Variants in GSR observed in about 807,000 individuals in gnomAD.
The protein encoded by GSR is glutathione-disulfide reductase.
GSR carries 48 observed loss-of-function variants against 56.5 expected under a neutral mutation model. The observed-to-expected ratio is 0.85, with a 90% confidence interval of 0.67 to 1.08. The LOEUF is 1.08. GSR is among the 50% of genes least tolerant of loss of function. GSR has a pLI of 0.00. For missense variants in GSR, 694 were observed against 703.3 expected (o/e 0.99, Z 0.15); for synonymous variants, 264 against 270.8 (o/e 0.97, Z 0.25).
chr8:30,714,533 C>A (rs947877798), intron 1 of GSR, among the ~76,000 whole-genome samples: 5 of 151,292 alleles, frequency 3.3e-5, no homozygotes, highest in Admixed American at 2.0e-4. Flanking sequence ...AAATATTTTT[C>A]TAAAAATATA....
rs1414576449 is a variant in GSR, at chr8:30,703,156, C to T, written c.577G>A (p.Ala193Thr). ...TIEVSGKKYT[A>T]PHILIATGGM... ...CCTGTGGCGATCAGGATGTGTGGGG[C>T]GGTGTACTTTTTCCCACTGACCTCT... The change falls in exon 5 of 13, where the codon GCC (alanine) becomes ACC (threonine). Residue 193 changes from alanine (A) to threonine (T), a missense_variant. Coordinates refer to ENST00000221130, the MANE Select transcript of GSR (RefSeq NM_000637.5). The T allele has an allele frequency of 3.7e-5, 59 of 1,613,878 alleles. No homozygotes were observed. Among genetic ancestry groups the T allele is most frequent in the Non-Finnish European group, 4.5e-5 (53 of 1,179,950 alleles).
At chr8:30,722,040 G>A (rs1305779598) in intron 1 of GSR, among the ~76,000 whole-genome samples, 1 of 151,994 alleles carries the variant, frequency 6.6e-6, no homozygotes, top group African/African-American at 2.4e-5. Flanking sequence ...ATTCTCTGTG[G>A]TTACTTTTCA....
At chr8:30,682,902 G>A (rs1403456568) in intron 10 of GSR, among the ~76,000 whole-genome samples, 3 of 151,402 alleles carry the variant, frequency 2.0e-5, no homozygotes, top group African/African-American at 7.3e-5. Flanking sequence ...ATCTCAGCTC[G>A]CTGCAACCTC....
Position 30,727,552 on chromosome 8 carries a change from C to T in GSR, c.284G>A (p.Ser95Asn). Residue 95 changes from serine (S) to asparagine (N), a missense_variant, in exon 1 of 13, where the codon AGC (serine) becomes AAC (asparagine). Ser to Asn is a conservative substitution (Grantham distance 46). Coordinates refer to ENST00000221130, the MANE Select transcript of GSR (RefSeq NM_000637.5). ...ELGARAAVVESHKLGGTCVNV... is the reference protein window; with the variant it reads ...ELGARAAVVENHKLGGTCVNV... Reference sequence around the variant, plus strand: ...CACGCAAGTGCCACCCAGCTTGTGGCTCTCCACCACGGCGGCCCTGGCACC... The same window carrying T: ...CACGCAAGTGCCACCCAGCTTGTGGTTCTCCACCACGGCGGCCCTGGCACC... 6.5e-7 allele frequency: 1 copy of T among 1,536,836 alleles called. No homozygotes were observed. The highest frequency in any genetic ancestry group is 8.7e-7 in the Non-Finnish European group (1 of 1,145,152).
intron 8 of GSR, among the ~76,000 whole-genome samples, chr8:30,690,098 TAAA>T (rs531676508): frequency 0.02 from 2,879 of 144,202 alleles, 86 homozygotes; most frequent in African/African-American, 0.069. Flanking sequence ...AATATATAAA[TAAA>T]ATATACATAT....
At chr8:30,698,288 A>C (rs1373320131) in intron 6 of GSR, among the ~76,000 whole-genome samples, 1 of 152,184 alleles carries the variant, frequency 6.6e-6, no homozygotes, top group African/African-American at 2.4e-5. Context: ...CATAAATGTA[A>C]ATATTTAAAA....
At chr8:30,686,646 G>A (rs1205927371) in intron 9 of GSR, among the ~76,000 whole-genome samples, 89 of 152,242 alleles carry the variant, frequency 5.8e-4, no homozygotes, top group Admixed American at 5.8e-3. Context: ...AGTGAGCCAT[G>A]ATGGCACCAC....
At chr8:30,693,076 G>C (rs762168948) in intron 7 of GSR, 21 bp from the exon 8 acceptor site, 2 of 1,466,356 alleles carry the variant, frequency 1.4e-6, no homozygotes, top group South Asian at 2.3e-5. Context: ...ACATAGGGAT[G>C]GGTAATGCGA....
intron 8 of GSR, 74 bp downstream of exon 8, chr8:30,692,895 C>G (rs1235601407): frequency 4.4e-6 from 4 of 907,454 alleles, no homozygotes; most frequent in Non-Finnish European, 7.3e-6. Context: ...TGTTTTTAAA[C>G]TAACTGGGCG....
Position 30,679,149 on chromosome 8 carries a change from CAAAA to C in GSR, c.*367_*370del, listed in dbSNP as rs35555269. 1.8e-3 allele frequency: 200 copies of C among 108,646 alleles called. No homozygotes were observed. Among genetic ancestry groups the C allele is most frequent in the South Asian group, 5.6e-3 (44 of 7,808 alleles). The allele number at this position is 108,646 out of a possible 1,614,324, so 6.7% of individuals were successfully genotyped here. ...GGGCAATGAGAGCAAAACTCTGTCT[CAAAA>C]AAAAAAAAAAAAAAAGTAGCAAGTT... is the stretch of plus-strand genomic sequence containing the variant. On this transcript the variant is annotated 3_prime_UTR_variant, in exon 13 of 13. Transcript: ENST00000221130.
intron 7 of GSR, among the ~76,000 whole-genome samples, chr8:30,695,398 T>A (rs1471339790): frequency 6.6e-6 from 1 of 151,958 alleles, no homozygotes; most frequent in African/African-American, 2.4e-5. Flanking sequence ...CATGCCTGGA[T>A]AATTTTTGGA....
intron 4 of GSR, among the ~76,000 whole-genome samples, chr8:30,704,261 G>A (rs1298432329): frequency 6.6e-6 from 1 of 152,060 alleles, no homozygotes; most frequent in African/African-American, 2.4e-5. Context: ...GGAGGCAGAG[G>A]TTGCAGTGAG....
chr8:30,704,269 G>A (rs186646147), intron 4 of GSR, among the ~76,000 whole-genome samples: 72 of 152,192 alleles, frequency 4.7e-4, no homozygotes, highest in African/African-American at 1.6e-3. Flanking sequence ...AGGTTGCAGT[G>A]AGCCGAGATT....
Position 30,693,027 on chromosome 8 carries a change from C to T in GSR, c.824G>A (p.Ser275Asn). The T allele has an allele frequency of 6.2e-7, 1 of 1,611,726 alleles. No individual in the cohort carries two copies. The highest frequency in any genetic ancestry group is 8.5e-7 in the Non-Finnish European group (1 of 1,178,150). ...KVLRSFDSMI[S>N]TNCTEELENA... ...CTCCAGCTCCTCCGTGCAGTTGGTGCTGATCATTGAATCAAAACTTCTAAG... is the reference window on the plus strand; with the variant it reads ...CTCCAGCTCCTCCGTGCAGTTGGTGTTGATCATTGAATCAAAACTTCTAAG... The change falls in exon 8 of 13, where the codon AGC (serine) becomes AAC (asparagine). Residue 275 changes from serine to asparagine, a missense_variant. Physicochemically the swap from Ser to Asn is conservative, Grantham distance 46. Coordinates refer to ENST00000221130, the MANE Select transcript of GSR (RefSeq NM_000637.5).
chr8:30,686,396 C>A (rs527514161), intron 9 of GSR, among the ~76,000 whole-genome samples: 1 of 151,734 alleles, frequency 6.6e-6, no homozygotes, highest in East Asian at 1.9e-4. Context: ...AAAAATTTAG[C>A]AAATATAGGC....
chr8:30,716,909 T>C (rs1586067049), intron 1 of GSR, among the ~76,000 whole-genome samples: 2 of 150,424 alleles, frequency 1.3e-5, no homozygotes, highest in African/African-American at 4.9e-5. Flanking sequence ...CCCTTCTCTT[T>C]CCCCCCAAAT....
At chr8:30,687,982 A>C (rs963708833) in intron 9 of GSR, among the ~76,000 whole-genome samples, 9 of 152,338 alleles carry the variant, frequency 5.9e-5, no homozygotes, top group Admixed American at 5.9e-4. Flanking sequence ...GTAAGAACTA[A>C]GGTTCAAATT....
At chr8:30,697,788 A>C (rs1330795037) in intron 6 of GSR, among the ~76,000 whole-genome samples, 3 of 152,200 alleles carry the variant, frequency 2.0e-5, no homozygotes, top group Non-Finnish European at 4.4e-5. Flanking sequence ...TCCTAGGCTC[A>C]AGTGATCCTC....
chr8:30,681,218 T>C (rs1802945801), intron 11 of GSR, among the ~76,000 whole-genome samples, 181 bp from the exon 12 acceptor site: 1 of 152,126 alleles, frequency 6.6e-6, no homozygotes, highest in Non-Finnish European at 1.5e-5. Context: ...AAAGAAGGGC[T>C]GAGGAATTCT....
Sources: allele counts gnomAD v4.1 joint callset (sites outside exome capture counted in the v4.1 genomes callset), GRCh38; gene constraint gnomAD v4.1.1; transcripts MANE v1.5; gene names NCBI Gene and HGNC (gene_info 2026-07-23, HGNC 2026-07-21).